The following F13A1 variants were observed in gnomAD, a reference collection of about 807,000 sequenced individuals.
F13A1 encodes coagulation factor XIII A chain.
A neutral mutation model predicts 80.1 loss-of-function variants in F13A1; 47 were observed. The observed-to-expected ratio is 0.59, with a 90% CI of 0.46 to 0.75. The LOEUF (loss-of-function observed/expected upper bound fraction) is 0.75, where lower values mean the gene tolerates loss of function less well. Among genes scored for constraint, F13A1 ranks in the 30% least tolerant of loss-of-function variants. The pLI is 0.00. For missense variants in F13A1, 817 were observed against 930.4 expected (o/e 0.88, Z 1.59); for synonymous variants, 349 against 344.9 (o/e 1.01, Z -0.13).
intron 8 of F13A1, chr6:6,206,497 AT>A (rs1311618192): frequency 1.9e-5 from 9 of 472,534 alleles, no homozygotes; most frequent in Non-Finnish European, 3.9e-5. Context: ...GACCTCTGAC[AT>A]TTTACCCCCA....
chr6:6,153,087 T>C (rs1190105396), intron 13 of F13A1, among the ~76,000 whole-genome samples: 2 of 152,214 alleles, frequency 1.3e-5, no homozygotes, highest in Admixed American at 6.5e-5. Context: ...TTAACTCCAA[T>C]ACTTAGTACT....
At chr6:6,169,760 G>T (rs1191728223) in intron 12 of F13A1, among the ~76,000 whole-genome samples, 1 of 152,198 alleles carries the variant, frequency 6.6e-6, no homozygotes, top group Non-Finnish European at 1.5e-5. Context: ...CCACAACAAA[G>T]TATCCAGCCC....
At chr6:6,292,489 T>C (rs1385972433) in intron 3 of F13A1, among the ~76,000 whole-genome samples, 1 of 152,180 alleles carries the variant, frequency 6.6e-6, no homozygotes, top group Non-Finnish European at 1.5e-5. Context: ...ATCCTCTCTC[T>C]TCTGATCATC....
intron 3 of F13A1, among the ~76,000 whole-genome samples, chr6:6,300,447 C>T (rs927040037): frequency 5.9e-5 from 9 of 151,966 alleles, no homozygotes; most frequent in Non-Finnish European, 5.9e-5. Context: ...TCTCCTGATG[C>T]GCCGTTTTTT....
intron 13 of F13A1, among the ~76,000 whole-genome samples, chr6:6,159,494 CTG>C (rs1760536618): frequency 6.6e-6 from 1 of 152,188 alleles, no homozygotes; most frequent in African/African-American, 2.4e-5. Context: ...CAGGATGCAA[CTG>C]TGCAAAGTGG....
At chr6:6,237,932 C>T (rs1466987486) in intron 6 of F13A1, among the ~76,000 whole-genome samples, 1 of 152,080 alleles carries the variant, frequency 6.6e-6, no homozygotes, top group Non-Finnish European at 1.5e-5. Flanking sequence ...AGTTAGAATG[C>T]CAATAGGCAC....
At chr6:6,177,851 T>A (rs1464558356) in intron 11 of F13A1, among the ~76,000 whole-genome samples, 1 of 151,078 alleles carries the variant, frequency 6.6e-6, no homozygotes, top group Non-Finnish European at 1.5e-5. Context: ...CCTCTCGGAG[T>A]TTTTGGAGCG....
rs766708117 is a variant in F13A1 at position 6,167,448 on chromosome 6, T to C, written c.1908+10A>G. The stretch of plus-strand genomic sequence containing the variant: ...TTGTCTCTGTTCCAGGATGAGACGC[T>C]AAGACTGACCTTGATGATGATCTCA... On this transcript the variant is annotated intron_variant, in intron 13 of 14. Transcript: ENST00000264870. 5.0e-6 allele frequency: 8 copies of C among 1,612,898 alleles called. No homozygotes were observed. The highest frequency in any genetic ancestry group is 3.3e-5 in the Admixed American group (2 of 59,866).
At chr6:6,161,566 G>A (rs1215052801) in intron 13 of F13A1, among the ~76,000 whole-genome samples, 1 of 151,914 alleles carries the variant, frequency 6.6e-6, no homozygotes, top group Non-Finnish European at 1.5e-5. Context: ...GAGAGAGAGA[G>A]AGAGAGAGAG....
chr6:6,197,278 A>G lies in F13A1; in HGVS notation c.1161T>C (p.Pro387=). The G allele has an allele frequency of 6.2e-7, 1 of 1,614,220 alleles. No homozygotes were observed. The highest frequency in any genetic ancestry group is 8.5e-7 in the Non-Finnish European group (1 of 1,180,036). ...CAGCTTGCCAGCCTCCAAATCCAAC[A>G]GGAAGGTCAGGCCTTGTCATCCATG... The part of the protein sequence containing the change: ...NEAWMTRPDL[P]VGFGGWQAVD... Residue 387 remains proline, a synonymous_variant, in exon 9 of 15, where the codon CCT becomes CCC. Coordinates refer to ENST00000264870, the MANE Select transcript of F13A1 (RefSeq NM_000129.4).
At chr6:6,221,164 C>T (rs533765413) in intron 8 of F13A1, among the ~76,000 whole-genome samples, 7 of 152,326 alleles carry the variant, frequency 4.6e-5, no homozygotes, top group African/African-American at 1.7e-4. Flanking sequence ...TCCTCCCACA[C>T]AGACCTTGAT....
At chr6:6,178,140 G>A (rs1760916794) in intron 11 of F13A1, among the ~76,000 whole-genome samples, 1 of 152,180 alleles carries the variant, frequency 6.6e-6, no homozygotes, top group African/African-American at 2.4e-5. Flanking sequence ...TAGACTGAGG[G>A]AAGGAGGGCC....
intron 4 of F13A1, among the ~76,000 whole-genome samples, chr6:6,251,283 A>G (rs1757628902): frequency 6.6e-6 from 1 of 152,236 alleles, no homozygotes; most frequent in Non-Finnish European, 1.5e-5. Context: ...CTCTAACACT[A>G]ATTAAAATAT....
chr6:6,287,283 G>C (rs149400037), intron 3 of F13A1, among the ~76,000 whole-genome samples: 1 of 152,170 alleles, frequency 6.6e-6, no homozygotes, highest in African/African-American at 2.4e-5. Flanking sequence ...TAGAATTTAT[G>C]TGGAAAAGCC....
At chr6:6,171,844 C>T (rs745943848) in intron 12 of F13A1, among the ~76,000 whole-genome samples, 34 of 152,238 alleles carry the variant, frequency 2.2e-4, no homozygotes, top group Non-Finnish European at 3.7e-4. Flanking sequence ...CATGCTCTGG[C>T]CCCAGGGCCT....
At chr6:6,206,855 C>G (rs928587608) in intron 8 of F13A1, among the ~76,000 whole-genome samples, 15 of 150,022 alleles carry the variant, frequency 1.0e-4, no homozygotes, top group Admixed American at 4.7e-4. Flanking sequence ...GAAGACTCTA[C>G]TAGATGCCAA....
At chr6:6,217,825 G>A (rs1757124717) in intron 8 of F13A1, among the ~76,000 whole-genome samples, 1 of 152,160 alleles carries the variant, frequency 6.6e-6, no homozygotes, top group Admixed American at 6.5e-5. Context: ...CAGTGTCCCA[G>A]GTGTGAAAGC....
rs141416839 is a variant in F13A1 at position 6,167,502 on chromosome 6, T to C, written c.1864A>G (p.Lys622Glu). ...RINETRDVLA[K>E]QKSTVLTIPE... is the part of the protein sequence containing the mutation. ...ATGGTTAGCACGGTGGACTTTTGCT[T>C]GGCCAGAACATCCCTGGTCTCATTG... Residue 622 changes from lysine (K) to glutamate (E), a missense_variant, in exon 13 of 15, where the codon AAG becomes GAG. Transcript: ENST00000264870. 31 of 1,613,968 alleles carry C rather than the reference T, an allele frequency of 1.9e-5. No individual in the cohort carries two copies. Among genetic ancestry groups the C allele is most frequent in the Admixed American group, 3.3e-5 (2 of 59,990 alleles).
chr6:6,152,035 GT>G, intron 13 of F13A1, 86 bp from the exon 14 acceptor site: 1 of 1,525,952 alleles, frequency 6.6e-7, no homozygotes, highest in Non-Finnish European at 9.0e-7. Context: ...TTTTACTAGA[GT>G]TTTATGATAC....
Sources: gnomAD v4.1 joint callset for allele counts (sites outside exome capture counted in the v4.1 genomes callset) on GRCh38, gnomAD v4.1.1 for gene constraint, MANE v1.5 for transcripts, NCBI Gene and HGNC (gene_info 2026-07-23, HGNC 2026-07-21) for gene names.